Variants in CACNA1F observed in about 807,000 individuals in gnomAD.
CACNA1F encodes voltage-dependent L-type calcium channel subunit alpha-1F.
Under a neutral mutation model 143.8 loss-of-function variants are expected in CACNA1F, and 59 were observed. The observed-to-expected ratio is 0.41, with a 90% confidence interval of 0.33 to 0.51. The LOEUF (loss-of-function observed/expected upper bound fraction) is 0.51. Among genes scored for constraint, CACNA1F ranks in the 20% least tolerant of loss-of-function variants. CACNA1F has a pLI of 0.22. For synonymous variants in CACNA1F, 643 were observed against 649.1 expected (o/e 0.99, Z 0.14); for missense variants, 1,411 against 1,647.5 (o/e 0.86, Z 2.48).
In CACNA1F at chrX:49,209,387, G is replaced by A. The variant is rs1557105677; in HGVS notation, c.4828C>T (p.Leu1610=). ...GGACCCAAGTCCTGCAGGCTCCGCA[G>A]ACCAGCCTGTGGGGGTGGAGAAATA... is the stretch of plus-strand genomic sequence containing the variant. ...PSTSSALQAG[L]RSLQDLGPEM... is the part of the protein sequence containing the mutation. Residue 1610 remains leucine (L), a synonymous_variant, in exon 42 of 48, where the codon CTG becomes TTG. Transcript: ENST00000323022. 8.3e-7 allele frequency: 1 copy of A among 1,210,570 alleles called. No individual in the cohort carries two copies. The highest frequency in any genetic ancestry group is 1.7e-5 in the African/African-American group (1 of 57,872).
At chrX:49,216,186 C>A (rs782224506) in intron 27 of CACNA1F, among the ~76,000 whole-genome samples, 196 bp downstream of exon 27, 11 of 110,855 alleles carry the variant, frequency 9.9e-5, no homozygotes, top group Non-Finnish European at 1.5e-4. Flanking sequence ...CCCCAAAGAA[C>A]CCCCACCCAG....
At chrX:49,223,893 G>A (rs782129828) in intron 14 of CACNA1F, among the ~76,000 whole-genome samples, 70 of 109,017 alleles carry the variant, frequency 6.4e-4, no homozygotes, top group Non-Finnish European at 7.4e-4. Context: ...CACCACTCCC[G>A]GCTAATTTTT....
In CACNA1F at chrX:49,209,376, C is replaced by T; in HGVS notation, c.4839G>A (p.Leu1613=). ...SSALQAGLRS[L]QDLGPEMRQA... is the part of the protein sequence containing the mutation. ...GCCGCATCTCAGGACCCAAGTCCTG[C>T]AGGCTCCGCAGACCAGCCTGTGGGG... The change falls in exon 42 of 48, where the codon CTG becomes CTA. Residue 1613 remains leucine, a synonymous_variant. Coordinates refer to ENST00000323022, the MANE Select transcript of CACNA1F (RefSeq NM_001256789.3). The T allele has an allele frequency of 1.7e-6, 2 of 1,210,186 alleles. No individual in the cohort carries two copies. The highest frequency in any genetic ancestry group is 2.2e-6 in the Non-Finnish European group (2 of 894,404).
chrX:49,218,011 G>A lies in CACNA1F; in HGVS notation c.2929-6C>T. The A allele has an allele frequency of 8.4e-7, 1 of 1,183,464 alleles. No individual in the cohort carries two copies. Among genetic ancestry groups the A allele is most frequent in the East Asian group, 3.0e-5 (1 of 33,727 alleles). On this transcript the variant is annotated splice_region_variant and splice_polypyrimidine_tract_variant and intron_variant, in intron 24 of 47. Coordinates refer to ENST00000323022, the MANE Select transcript of CACNA1F (RefSeq NM_001256789.3). ...AATACACACTGCACCACATGCTGCG[G>A]GCACCCAAGCATATGGCTACTGAAC...
intron 26 of CACNA1F, among the ~76,000 whole-genome samples, chrX:49,217,221 A>T (rs2065726580): frequency 8.9e-6 from 1 of 112,773 alleles, no homozygotes; most frequent in Non-Finnish European, 1.9e-5. Flanking sequence ...GGCCTCCCAA[A>T]GTGCTGGGAT....
At chrX:49,231,954 G>A (rs1557111512) in intron 1 of CACNA1F, 27 bp from the exon 2 acceptor site, 3 of 1,157,328 alleles carry the variant, frequency 2.6e-6, no homozygotes, top group Non-Finnish European at 3.4e-6. Context: ...TGTCAGGGAG[G>A]GACAGGGTAT....
In CACNA1F at chrX:49,210,395, C is replaced by T. The variant is rs782704189; in HGVS notation, c.4494G>A (p.Val1498=). The T allele has an allele frequency of 8.4e-7, 1 of 1,197,259 alleles. No homozygotes were observed. The highest frequency in any genetic ancestry group is 2.2e-5 in the Admixed American group (1 of 46,042). Residue 1498 remains valine (V), a synonymous_variant, in exon 39 of 48, where the codon GTG becomes GTA. Transcript: ENST00000323022. ...CTGAGTTGAGGGGCATGTTCATTGCCACAAGTCTCTGCAAACACGAGAGAC... is the reference window on the plus strand; with the variant it reads ...CTGAGTTGAGGGGCATGTTCATTGCTACAAGTCTCTGCAAACACGAGAGAC... ...CPHRVACKRL[V]AMNMPLNSDG... is the part of the protein sequence containing the mutation.
In CACNA1F at chrX:49,231,897, C is replaced by T; in HGVS notation, c.56G>A (p.Gly19Glu). Reference protein sequence around the residue: ...DTTPEPSPANGAGPGPEWGLC... With the variant: ...DTTPEPSPANEAGPGPEWGLC... ...CCCCCATTCGGGACCAGGGCCTGCCCCATTGGCTGGACTGGGCTCTGGGGT... is the reference window on the plus strand; with the variant it reads ...CCCCCATTCGGGACCAGGGCCTGCCTCATTGGCTGGACTGGGCTCTGGGGT... Residue 19 changes from glycine (G) to glutamate (E), a missense_variant, in exon 2 of 48, where the codon GGG becomes GAG. Transcript: ENST00000323022. 8.5e-7 allele frequency: 1 copy of T among 1,179,349 alleles called. No individual in the cohort carries two copies.
chrX:49,214,985 G>T lies in CACNA1F; in HGVS notation c.3597+101C>A. ...TTAAGTTGCTGTTAGTTGGCAGGGG[G>T]TTTGTTATTTGCAGCCTTAAATGTT... is the stretch of plus-strand genomic sequence containing the variant. On this transcript the variant is annotated intron_variant, in intron 29 of 47. Coordinates refer to ENST00000323022, the MANE Select transcript of CACNA1F (RefSeq NM_001256789.3). 5.1e-6 allele frequency: 4 copies of T among 782,274 alleles called. No homozygotes were observed. In the Admixed American group the frequency reaches 9.5e-5, roughly 19 times the overall value. The allele number at this position is 782,274 out of a possible 1,213,427, so 64.5% of individuals were successfully genotyped here.
Position 49,231,195 on chromosome X carries a change from G to C in CACNA1F, c.381+7C>G. 8.9e-7 allele frequency: 1 copy of C among 1,118,855 alleles called. No homozygotes were observed. Among genetic ancestry groups the C allele is most frequent in the South Asian group, 1.9e-5 (1 of 51,636 alleles). The allele number at this position is 1,118,855 out of a possible 1,213,427, so 92.2% of individuals were successfully genotyped here. A position where few individuals can be genotyped will look rare whatever the true frequency, so the allele number is the denominator to read the frequency against. On this transcript the variant is annotated splice_region_variant and intron_variant, in intron 3 of 47. Coordinates refer to ENST00000323022, the MANE Select transcript of CACNA1F (RefSeq NM_001256789.3). ...CTGGGAACTGGCTGGGGCGGGGCGG[G>C]CCTTACCAGGTTGTGGTTGGCAGTG...
chrX:49,219,063 C>T, intron 21 of CACNA1F, 122 bp from the exon 22 acceptor site: 1 of 661,775 alleles, frequency 1.5e-6, no homozygotes, highest in Admixed American at 2.6e-5. Context: ...CTGCCTCTAC[C>T]CAGCTACATG....
rs2065632615 is a variant in CACNA1F, at chrX:49,209,401, G to T, written c.4822-8C>A. 4.1e-6 allele frequency: 5 copies of T among 1,209,235 alleles called. No individual in the cohort carries two copies. The highest frequency in any genetic ancestry group is 5.6e-6 in the Non-Finnish European group (5 of 893,803). ...CAGGCTCCGCAGACCAGCCTGTGGGGGTGGAGAAATAGGTAAGCAGGCAGC... is the reference window on the plus strand; with the variant it reads ...CAGGCTCCGCAGACCAGCCTGTGGGTGTGGAGAAATAGGTAAGCAGGCAGC... On this transcript the variant is annotated splice_polypyrimidine_tract_variant and splice_region_variant and intron_variant, in intron 41 of 47. Coordinates refer to ENST00000323022, the MANE Select transcript of CACNA1F (RefSeq NM_001256789.3).
Position 49,210,700 on chromosome X carries a change from G to A in CACNA1F, c.4389-14C>T, listed in dbSNP as rs1557106033. 4.2e-6 allele frequency: 5 copies of A among 1,184,541 alleles called. No individual in the cohort carries two copies. Among genetic ancestry groups the A allele is most frequent in the South Asian group, 3.6e-5 (2 of 55,232 alleles). ...TTGATGCGGCCCCTGGAGGAGTTGG[G>A]GAGGTACCACTGGATTGGCGATGCC... On this transcript the variant is annotated splice_polypyrimidine_tract_variant and intron_variant, in intron 37 of 47. Coordinates refer to ENST00000323022, the MANE Select transcript of CACNA1F (RefSeq NM_001256789.3).
chrX:49,218,969 A>G, intron 21 of CACNA1F, 28 bp from the exon 22 acceptor site: 1 of 1,137,347 alleles, frequency 8.8e-7, no homozygotes, highest in Non-Finnish European at 1.2e-6. Context: ...GCGGGGAGCC[A>G]CTGAGTCACG....
rs782084319 is a variant in CACNA1F at position 49,209,712 on chromosome X, C to T, written c.4738G>A (p.Asp1580Asn). 8.3e-7 allele frequency: 1 copy of T among 1,211,406 alleles called. No individual in the cohort carries two copies. The highest frequency in any genetic ancestry group is 1.8e-5 in the South Asian group (1 of 56,929). ...GKFYATFLIQDYFRKFRRRKE... is the reference protein window; with the variant it reads ...GKFYATFLIQNYFRKFRRRKE... ...CTCCGCCGGAATTTGCGGAAATAGTCCTGGATCAGAAATGTGGCGTAGAAT... is the reference window on the plus strand; with the variant it reads ...CTCCGCCGGAATTTGCGGAAATAGTTCTGGATCAGAAATGTGGCGTAGAAT... The change falls in exon 41 of 48, where the codon GAC (aspartate) becomes AAC (asparagine). Residue 1580 changes from aspartate to asparagine, a missense_variant. Coordinates refer to ENST00000323022, the MANE Select transcript of CACNA1F (RefSeq NM_001256789.3).
chrX:49,220,205 G>C (rs2065762348), intron 19 of CACNA1F, among the ~76,000 whole-genome samples: 1 of 111,982 alleles, frequency 8.9e-6, no homozygotes, highest in African/African-American at 3.2e-5. Flanking sequence ...AGCCTCCTGA[G>C]TAGCTGGGAC....
chrX:49,212,242 C>T lies in CACNA1F; in HGVS notation c.4008+1G>A, dbSNP rs782557600. The T allele has an allele frequency of 8.3e-7, 1 of 1,203,662 alleles. No homozygotes were observed. The highest frequency in any genetic ancestry group is 1.8e-5 in the South Asian group (1 of 56,459). On this transcript the variant is annotated splice_donor_variant, in intron 34 of 47. Transcript: ENST00000323022. LOFTEE classifies it high-confidence loss of function. ...GGATGCTTCCTAGGGTCCCCACTTGCCTGCATGCCAATGACGGCATAGATG... is the reference window on the plus strand; with the variant it reads ...GGATGCTTCCTAGGGTCCCCACTTGTCTGCATGCCAATGACGGCATAGATG...
chrX:49,210,842 G>A, intron 37 of CACNA1F, 123 bp downstream of exon 37: 1 of 899,139 alleles, frequency 1.1e-6, no homozygotes, highest in Non-Finnish European at 1.6e-6. Context: ...ATGGGGCAGT[G>A]GAAACTTTGG....
rs782109777 is a variant in CACNA1F at position 49,231,762 on chromosome X, C to G, written c.191G>C (p.Ser64Thr). 1.7e-6 allele frequency: 2 copies of G among 1,210,670 alleles called. No homozygotes were observed. The highest frequency in any genetic ancestry group is 5.9e-5 in the East Asian group (2 of 33,832). ...HSKHKTVAVA[S>T]AQRSPRALFC... Reference sequence around the variant, plus strand: ...GAGTGCCCGAGGTGACCGCTGGGCACTGGCCACTGCCACTGTCTTGTGCTT... The same window carrying G: ...GAGTGCCCGAGGTGACCGCTGGGCAGTGGCCACTGCCACTGTCTTGTGCTT... Residue 64 changes from serine to threonine, a missense_variant, in exon 2 of 48, where the codon AGT becomes ACT. Physicochemically the swap from Ser to Thr is moderately conservative, Grantham distance 58. Transcript: ENST00000323022.
Sources: allele counts gnomAD v4.1 joint callset (sites outside exome capture counted in the v4.1 genomes callset), GRCh38; gene constraint gnomAD v4.1.1; transcripts MANE v1.5; gene names NCBI Gene and HGNC (gene_info 2026-07-23, HGNC 2026-07-21).